Variants in GIPR observed in about 807,000 individuals in gnomAD.
GIPR encodes gastric inhibitory polypeptide receptor, also known as GIP-R.
GIPR carries 74 observed loss-of-function variants against 62.2 expected under a neutral mutation model. The observed-to-expected ratio is 1.19, with a 90% confidence interval of 0.99 to 1.44. The LOEUF (loss-of-function observed/expected upper bound fraction) is 1.44. GIPR is among the 40% of genes most tolerant of loss of function. GIPR has a pLI of 0.00. For synonymous variants in GIPR, 256 were observed against 262.2 expected (o/e 0.98, Z 0.23); for missense variants, 664 against 611.8 (o/e 1.09, Z -0.90).
At chr19:45,677,421 G>A (rs1206565230) in intron 9 of GIPR, 38 bp downstream of exon 9, 15 of 1,328,138 alleles carry the variant, frequency 1.1e-5, no homozygotes, top group Non-Finnish European at 1.5e-5. Flanking sequence ...TGGGAGGTGG[G>A]CGGGGCTTTG....
intron 1 of GIPR, among the ~76,000 whole-genome samples, chr19:45,668,624 CCT>C (rs1975381012): frequency 6.6e-6 from 1 of 152,172 alleles, no homozygotes; most frequent in African/African-American, 2.4e-5. Context: ...CGTCTCTGCG[CCT>C]CTCAGTCTTT....
intron 5 of GIPR, 139 bp downstream of exon 5, chr19:45,673,093 AAGAG>A (rs757477995): frequency 2.1e-5 from 14 of 670,194 alleles, no homozygotes; most frequent in Admixed American, 1.2e-4. Context: ...ACTTGCTTCA[AAGAG>A]AGAAAGATGT....
chr19:45,676,983 C>T lies in GIPR; in HGVS notation c.668C>T (p.Thr223Ile), dbSNP rs376369148. 8.7e-6 allele frequency: 14 copies of T among 1,613,996 alleles called. No homozygotes were observed. The highest frequency in any genetic ancestry group is 2.7e-5 in the African/African-American group (2 of 74,922). The change falls in exon 8 of 14, where the codon ACC becomes ATC. Residue 223 changes from threonine (T) to isoleucine (I), a missense_variant. By Grantham distance (89) the Thr-to-Ile change is moderately conservative (BLOSUM62 -1). Transcript: ENST00000590918. ...LAACRTAQIV[T>I]QYCVGANYTW... ...GCCTGCCGCACGGCCCAGATCGTGA[C>T]CCAGTACTGCGTGGGTGCCAACTAC...
At chr19:45,677,296 G>C (rs546461131) in intron 8 of GIPR, 27 bp from the exon 9 acceptor site, 109 of 1,469,322 alleles carry the variant, frequency 7.4e-5, no homozygotes, top group African/African-American at 9.7e-5. Context: ...GCGGCGGGGT[G>C]GGGGGGCGGG....
In GIPR at chr19:45,681,902, T is replaced by C; in HGVS notation, c.1368T>C (p.Asn456=). The stretch of plus-strand genomic sequence containing the variant: ...CGGGGACCCTCCCAGGGCCTGGGAA[T>C]GAGGCCAGCCGGGAGTTGGAAAGTT... ...LSSGTLPGPG[N]EASRELESYC is the part of the protein sequence containing the mutation. Residue 456 remains asparagine, a synonymous_variant, in exon 14 of 14, where the codon AAT becomes AAC. Transcript: ENST00000590918. The C allele has an allele frequency of 6.4e-7, 1 of 1,560,290 alleles. No individual in the cohort carries two copies. Among genetic ancestry groups the C allele is most frequent in the Non-Finnish European group, 8.7e-7 (1 of 1,151,508 alleles).
Position 45,671,375 on chromosome 19 carries a change from T to G in GIPR, c.263T>G (p.Leu88Arg). 6.2e-7 allele frequency: 1 copy of G among 1,604,428 alleles called. No homozygotes were observed. The highest frequency in any genetic ancestry group is 8.5e-7 in the Non-Finnish European group (1 of 1,173,556). ...GCCCGTGCGTCCTGCCCCTGGTACC[T>G]GCCCTGGCACCACCATGGTGAGGTG... is the stretch of plus-strand genomic sequence containing the variant. ...ATARASCPWY[L>R]PWHHHVAAGF... Residue 88 changes from leucine (L) to arginine (R), a missense_variant, in exon 4 of 14, where the codon CTG becomes CGG. By Grantham distance (102) the Leu-to-Arg change is moderately radical (BLOSUM62 -2). Transcript: ENST00000590918.
intron 3 of GIPR, among the ~76,000 whole-genome samples, 185 bp downstream of exon 3, chr19:45,670,919 G>A (rs1975502190): frequency 1.3e-5 from 2 of 152,000 alleles, no homozygotes; most frequent in South Asian, 4.1e-4. Flanking sequence ...GGCCTGGGAG[G>A]AAGCTTGAAA....
chr19:45,677,335 T>C lies in GIPR; in HGVS notation c.806T>C (p.Leu269Pro). 1.3e-6 allele frequency: 2 copies of C among 1,596,026 alleles called. No homozygotes were observed. Among genetic ancestry groups the C allele is most frequent in the Non-Finnish European group, 1.7e-6 (2 of 1,169,606 alleles). The change falls in exon 9 of 14, where the codon CTT (leucine) becomes CCT (proline). Residue 269 changes from leucine (L) to proline (P), a missense_variant. Coordinates refer to ENST00000590918, the MANE Select transcript of GIPR (RefSeq NM_000164.4). Reference sequence around the variant, plus strand: ...GGGGTCTGCACAGGGGCCCCCGCGCTTTTCGTCATTCCCTGGGTGATCGTC... The same window carrying C: ...GGGGTCTGCACAGGGGCCCCCGCGCCTTTCGTCATTCCCTGGGTGATCGTC... ...YLLLGWGAPA[L>P]FVIPWVIVRY...
At chr19:45,673,906 C>A (rs1975688465) in intron 5 of GIPR, among the ~76,000 whole-genome samples, 168 bp from the exon 6 acceptor site, 1 of 151,978 alleles carries the variant, frequency 6.6e-6, no homozygotes, top group African/African-American at 2.4e-5. Context: ...ATGCCTCGTG[C>A]CCTGGAGCTG....
intron 3 of GIPR, 86 bp from the exon 4 acceptor site, chr19:45,671,199 G>A: frequency 7.3e-6 from 6 of 823,276 alleles, no homozygotes; most frequent in African/African-American, 1.7e-5. Context: ...GCCCACTGCG[G>A]AGAAGCACTT....
chr19:45,672,718 T>TATC (rs13306396), intron 4 of GIPR, 133 bp from the exon 5 acceptor site: 19,865 of 696,166 alleles, frequency 0.029, 586 homozygotes, highest in African/African-American at 0.13. Context: ...TATAAGGGTT[T>TATC]ATCATCATCA....
rs145063978 is a variant in GIPR at position 45,681,624 on chromosome 19, C to T, written c.1173C>T (p.Leu391=). The T allele has an allele frequency of 2.7e-5, 44 of 1,613,944 alleles. No homozygotes were observed. In the African/African-American group the frequency reaches 5.6e-4, roughly 21 times the overall value. ...GGCAGGGCTTCCTGGTCAGCGTCCT[C>T]TACTGCTTCATCAACAAGGAGGTAG... ...SSFQGFLVSV[L]YCFINKEVQS... is the part of the protein sequence containing the mutation. Residue 391 remains leucine, a synonymous_variant, in exon 13 of 14, where the codon CTC becomes CTT. Coordinates refer to ENST00000590918, the MANE Select transcript of GIPR (RefSeq NM_000164.4).
chr19:45,669,660 C>G, intron 2 of GIPR, 68 bp downstream of exon 2: 1 of 1,528,086 alleles, frequency 6.5e-7, no homozygotes, highest in Non-Finnish European at 8.8e-7. Flanking sequence ...TTAGGGCTTC[C>G]GTCGTCAGGG....
At chr19:45,670,794 G>T in intron 3 of GIPR, 60 bp downstream of exon 3, 5 of 984,652 alleles carry the variant, frequency 5.1e-6, no homozygotes, top group Admixed American at 2.2e-5. Flanking sequence ...GTGGGCTTGG[G>T]ATGGGCCTTG....
Position 45,669,568 on chromosome 19 carries a change from C to T in GIPR, c.48C>T (p.Cys16=). The change falls in exon 2 of 14, where the codon TGC becomes TGT. Residue 16 remains cysteine (C), a synonymous_variant. Transcript: ENST00000590918. ...ILQLLLRLSL[C]GLLLQRAETG... ...AGCTGCTGCTGCGGCTCTCACTGTG[C>T]GGGCTGCTGCTCCAGAGGGCGGAGG... 1 of 1,580,702 alleles carries T rather than the reference C, an allele frequency of 6.3e-7. No homozygotes were observed.
Position 45,681,753 on chromosome 19 carries a change from T to C in GIPR, c.1219T>C (p.Trp407Arg). The C allele has an allele frequency of 6.2e-7, 1 of 1,608,332 alleles. No individual in the cohort carries two copies. The highest frequency in any genetic ancestry group is 8.5e-7 in the Non-Finnish European group (1 of 1,177,298). The change falls in exon 14 of 14, where the codon TGG becomes CGG. Residue 407 changes from tryptophan to arginine, a missense_variant. Physicochemically the swap from Trp to Arg is moderately radical, Grantham distance 101. Coordinates refer to ENST00000590918, the MANE Select transcript of GIPR (RefSeq NM_000164.4). ...KEVQSEIRRGWHHCRLRRSLG... is the reference protein window; with the variant it reads ...KEVQSEIRRGRHHCRLRRSLG... ...GGTGCAGTCGGAGATCCGCCGTGGCTGGCACCACTGCCGCCTGCGCCGCAG... is the reference window on the plus strand; with the variant it reads ...GGTGCAGTCGGAGATCCGCCGTGGCCGGCACCACTGCCGCCTGCGCCGCAG...
In GIPR at chr19:45,676,994, G is replaced by A; in HGVS notation, c.679G>A (p.Val227Met). 6.2e-7 allele frequency: 1 copy of A among 1,614,046 alleles called. No individual in the cohort carries two copies. The highest frequency in any genetic ancestry group is 8.5e-7 in the Non-Finnish European group (1 of 1,179,958). The change falls in exon 8 of 14, where the codon GTG becomes ATG. Residue 227 changes from valine to methionine, a missense_variant. By Grantham distance (21) the Val-to-Met change is conservative. Transcript: ENST00000590918. ...RTAQIVTQYC[V>M]GANYTWLLVE... Reference sequence around the variant, plus strand: ...GGCCCAGATCGTGACCCAGTACTGCGTGGGTGCCAACTACACGTGGCTGCT... The same window carrying A: ...GGCCCAGATCGTGACCCAGTACTGCATGGGTGCCAACTACACGTGGCTGCT...
chr19:45,680,206 A>G (rs1967154120), intron 12 of GIPR, among the ~76,000 whole-genome samples: 1 of 152,174 alleles, frequency 6.6e-6, no homozygotes, highest in African/African-American at 2.4e-5. Context: ...TACTTAAAAT[A>G]CAAAAATTAG....
rs1013968375 is a variant in GIPR, at chr19:45,669,333, T to G, written c.-44-144T>G. 11 of 752,470 alleles carry G rather than the reference T, an allele frequency of 1.5e-5. No individual in the cohort carries two copies. In the African/African-American group the frequency reaches 1.6e-4, roughly 11 times the overall value. 46.6% of individuals were successfully genotyped at this position (752,470 alleles called of 1,614,324 possible). ...CCCCCAGATCATCACGCCTGGGAGTTGCGGGAGCGGGTGCGCTGCCTCGGA... is the reference window on the plus strand; with the variant it reads ...CCCCCAGATCATCACGCCTGGGAGTGGCGGGAGCGGGTGCGCTGCCTCGGA... On this transcript the variant is annotated intron_variant, in intron 1 of 13. Coordinates refer to ENST00000590918, the MANE Select transcript of GIPR (RefSeq NM_000164.4).
Sources: allele counts gnomAD v4.1 joint callset (sites outside exome capture counted in the v4.1 genomes callset), GRCh38; gene constraint gnomAD v4.1.1; transcripts MANE v1.5; gene names NCBI Gene and HGNC (gene_info 2026-07-23, HGNC 2026-07-21).